KCNIP3: variants seen among roughly 807,000 people sequenced by gnomAD.
KCNIP3 encodes the protein calsenilin.
In KCNIP3, 28 loss-of-function variants were observed where a neutral mutation model predicts 35.0. That is an observed-to-expected ratio of 0.80 (90% CI 0.59 to 1.10). The LOEUF (loss-of-function observed/expected upper bound fraction) is 1.10, where lower values mean the gene tolerates loss of function less well. Ranked by LOEUF, KCNIP3 falls within the 50% of genes least tolerant of loss-of-function variation. KCNIP3 has a pLI of 0.00. For synonymous variants in KCNIP3, 134 were observed against 133.8 expected (o/e 1.00, Z -0.01); for missense variants, 295 against 338.4 (o/e 0.87, Z 1.01).
intron 2 of KCNIP3, among the ~76,000 whole-genome samples, chr2:95,354,371 A>G (rs1207091451): frequency 6.6e-6 from 1 of 152,234 alleles, no homozygotes; most frequent in Non-Finnish European, 1.5e-5. Context: ...CTTATTGGAC[A>G]TGCGTTTTAT....
Position 95,384,054 on chromosome 2 carries a change from C to G in KCNIP3, c.*5C>G. On this transcript the variant is annotated 3_prime_UTR_variant, in exon 9 of 9. Coordinates refer to ENST00000295225, the MANE Select transcript of KCNIP3 (RefSeq NM_013434.5). ...CTGTTTGAGAATGTCATCTAGGACA[C>G]GTCCAAAGGAGTGCATGGCCACAGC... 6.2e-7 allele frequency: 1 copy of G among 1,613,568 alleles called. No homozygotes were observed. The highest frequency in any genetic ancestry group is 8.5e-7 in the Non-Finnish European group (1 of 1,179,600).
At position 95,315,031 on chromosome 2, in the gene KCNIP3, G is replaced by A. The variant is rs372787662; in HGVS notation, c.181+4511G>A. The stretch of plus-strand genomic sequence containing the variant: ...CCTCTGGGGGTGGGCACAGGACGGG[G>A]ACGGGAGCCTGTGAGCCCTGGTCTT... On this transcript the variant is annotated intron_variant, in intron 2 of 8. Transcript: ENST00000295225. Among the ~76,000 whole-genome samples, 19 of 152,324 alleles carry A rather than the reference G, an allele frequency of 1.2e-4. No individual in the cohort carries two copies. The East Asian group carries it at 1.9e-3, about 16-fold the overall frequency.
At chr2:95,322,975 C>T (rs1295846251) in intron 2 of KCNIP3, among the ~76,000 whole-genome samples, 1 of 152,246 alleles carries the variant, frequency 6.6e-6, no homozygotes, top group African/African-American at 2.4e-5. Flanking sequence ...CTCTTCTTTA[C>T]CCAGGAATTT....
At chr2:95,334,296 T>C (rs1362323748) in intron 2 of KCNIP3, among the ~76,000 whole-genome samples, 1 of 152,150 alleles carries the variant, frequency 6.6e-6, no homozygotes, top group Non-Finnish European at 1.5e-5. Flanking sequence ...GCATGTCCCA[T>C]AGGACCCTGT....
chr2:95,331,480 T>C lies in KCNIP3; in HGVS notation c.181+20960T>C, dbSNP rs568557881. Among the ~76,000 whole-genome samples, 11 of 151,926 alleles carry C rather than the reference T, an allele frequency of 7.2e-5. No individual in the cohort carries two copies. The South Asian group carries it at 1.9e-3, about 26-fold the overall frequency. On this transcript the variant is annotated intron_variant, in intron 2 of 8. Transcript: ENST00000295225. ...TCTGCAAGGGTTGGAAGTGGAGGGA[T>C]ACATTTGGGGGTCATCAGCACATAG...
intron 2 of KCNIP3, among the ~76,000 whole-genome samples, chr2:95,347,596 G>A (rs544919547): frequency 6.6e-6 from 1 of 152,336 alleles, no homozygotes; most frequent in Admixed American, 6.5e-5. Flanking sequence ...CAAGGTTCAA[G>A]CCCATGGGAT....
intron 2 of KCNIP3, among the ~76,000 whole-genome samples, chr2:95,314,818 G>A (rs1443259002): frequency 6.6e-6 from 1 of 152,260 alleles, no homozygotes; most frequent in Non-Finnish European, 1.5e-5. Flanking sequence ...CAGAGGTGCG[G>A]TGAGCAGGCA....
At chr2:95,329,966 G>A (rs1389643460) in intron 2 of KCNIP3, among the ~76,000 whole-genome samples, 10 of 152,296 alleles carry the variant, frequency 6.6e-5, no homozygotes, top group South Asian at 4.1e-4. Flanking sequence ...CCCCTCTGCC[G>A]GAGGCCCCTC....
chr2:95,357,191 C>T (rs1679676174), intron 2 of KCNIP3, among the ~76,000 whole-genome samples: 1 of 152,212 alleles, frequency 6.6e-6, no homozygotes, highest in Admixed American at 6.5e-5. Flanking sequence ...ATAAGTCTTA[C>T]AAGTCCAGTG....
In KCNIP3 at chr2:95,383,135, G is replaced by A. The variant is rs964013161; in HGVS notation, c.661-97G>A. The A allele has an allele frequency of 9.5e-5, 21 of 221,408 alleles. No individual in the cohort carries two copies. In the East Asian group the frequency reaches 2.6e-3, roughly 28 times the overall value. The allele number at this position is 221,408 out of a possible 1,614,324, so 13.7% of individuals were successfully genotyped here. ...AGCCCACCCGCCCATCCACCCACCC[G>A]CCCATCCACCCACCCATGACTTCTG... On this transcript the variant is annotated intron_variant, in intron 7 of 8. Coordinates refer to ENST00000295225, the MANE Select transcript of KCNIP3 (RefSeq NM_013434.5).
intron 2 of KCNIP3, among the ~76,000 whole-genome samples, chr2:95,372,180 G>T: frequency 6.6e-6 from 1 of 152,136 alleles, no homozygotes; most frequent in East Asian, 1.9e-4. Context: ...AGTCTGAAAA[G>T]TCTGCCTCTT....
At chr2:95,308,446 G>A (rs1678232020) in intron 1 of KCNIP3, among the ~76,000 whole-genome samples, 1 of 152,216 alleles carries the variant, frequency 6.6e-6, no homozygotes. Flanking sequence ...CCTGCCTAGG[G>A]GACCACTTCA....
At chr2:95,341,498 C>T (rs1314779817) in intron 2 of KCNIP3, among the ~76,000 whole-genome samples, 2 of 152,184 alleles carry the variant, frequency 1.3e-5, no homozygotes, top group South Asian at 2.1e-4. Context: ...GGTGTCATTT[C>T]GTAGGTTGTC....
chr2:95,328,453 T>C (rs911910723), intron 2 of KCNIP3, among the ~76,000 whole-genome samples: 1 of 152,046 alleles, frequency 6.6e-6, no homozygotes, highest in African/African-American at 2.4e-5. Flanking sequence ...AGGAGAGCGG[T>C]GGGGAGGGCA....
chr2:95,314,563 A>G (rs975187421), intron 2 of KCNIP3, among the ~76,000 whole-genome samples: 3 of 152,166 alleles, frequency 2.0e-5, no homozygotes, highest in African/African-American at 7.2e-5. Context: ...CAGTGTTGCT[A>G]GGCTCCCTGG....
At chr2:95,360,472 C>T (rs1288955700) in intron 2 of KCNIP3, among the ~76,000 whole-genome samples, 10 of 152,346 alleles carry the variant, frequency 6.6e-5, no homozygotes, top group Non-Finnish European at 8.8e-5. Context: ...TTCTAGTCTG[C>T]TCTTCCAGAC....
intron 2 of KCNIP3, among the ~76,000 whole-genome samples, chr2:95,373,514 C>T (rs1438120261): frequency 2.6e-5 from 4 of 151,414 alleles, no homozygotes; most frequent in Non-Finnish European, 1.5e-5. Context: ...GCTCCGCCTC[C>T]CCGGTTCACA....
chr2:95,363,564 A>G (rs1479902072), intron 2 of KCNIP3, among the ~76,000 whole-genome samples: 1 of 151,956 alleles, frequency 6.6e-6, no homozygotes, highest in Non-Finnish European at 1.5e-5. Context: ...GTTTTTATGA[A>G]TTGTTTGTTT....
At chr2:95,353,608 G>T (rs556006147) in intron 2 of KCNIP3, among the ~76,000 whole-genome samples, 3 of 152,188 alleles carry the variant, frequency 2.0e-5, no homozygotes, top group Non-Finnish European at 4.4e-5. Context: ...GCCAGAGGGG[G>T]TGCTGAGCCA....
Sources: allele counts gnomAD v4.1 joint callset (sites outside exome capture counted in the v4.1 genomes callset), GRCh38; gene constraint gnomAD v4.1.1; transcripts MANE v1.5; gene names NCBI Gene and HGNC (gene_info 2026-07-23, HGNC 2026-07-21).